The following CHRM2 variants were observed in gnomAD, a reference collection of about 807,000 sequenced individuals.
The protein encoded by CHRM2 is muscarinic acetylcholine receptor M2.
A neutral mutation model predicts 25.0 loss-of-function variants in CHRM2; 8 were observed. The observed-to-expected ratio is 0.32, with a 90% confidence interval of 0.19 to 0.58. The LOEUF (loss-of-function observed/expected upper bound fraction) is 0.58. Ranked by LOEUF, CHRM2 falls within the 20% of genes least tolerant of loss-of-function variation. CHRM2 has a pLI of 0.88. For synonymous variants in CHRM2, 202 were observed against 205.7 expected, an observed-to-expected ratio of 0.98 and a Z score of 0.15; for missense variants, 440 against 567.1, an observed-to-expected ratio of 0.78 and a Z score of 2.28.
At chr7:136,896,013 T>G (rs1796883697) in intron 2 of CHRM2, among the ~76,000 whole-genome samples, 3 of 152,190 alleles carry the variant, frequency 2.0e-5, no homozygotes, top group Admixed American at 2.0e-4. Context: ...AGTCAAGGGC[T>G]TCGGTAGTGT....
At position 137,019,180 on chromosome 7, in the gene CHRM2, AC is replaced by A. The variant is rs1805319308; in HGVS notation, c.*2917del. The A allele has an allele frequency of 6.6e-6, 1 of 151,914 alleles. No homozygotes were observed. The highest frequency in any genetic ancestry group is 2.4e-5 in the African/African-American group (1 of 41,398). 9.4% of individuals were successfully genotyped at this position (151,914 alleles called of 1,614,324 possible). ...CTTGCCTCTTATTAGTGGGAAAATA[AC>A]CCTGCATTATTTTTAGAATATCAAT... On this transcript the variant is annotated 3_prime_UTR_variant, in exon 4 of 4. Coordinates refer to ENST00000680005, the MANE Select transcript of CHRM2 (RefSeq NM_001006630.2).
intron 2 of CHRM2, among the ~76,000 whole-genome samples, chr7:136,966,031 C>A (rs1801395233): frequency 6.6e-6 from 1 of 151,814 alleles, no homozygotes; most frequent in Non-Finnish European, 1.5e-5. Context: ...GGAGACAGAA[C>A]TCTGATAATA....
In CHRM2 at chr7:136,874,578, C is replaced by A. The variant is rs1255341161; in HGVS notation, c.-125+5160C>A. ...CTCCCTCTCTCTCTGCCCCCCCTCT[C>A]TCCCCTCTTCCCTCCCAAATCCAAG... On this transcript the variant is annotated intron_variant, in intron 2 of 3. Coordinates refer to ENST00000680005, the MANE Select transcript of CHRM2 (RefSeq NM_001006630.2). 3.0e-5 allele frequency among the ~76,000 whole-genome samples: 4 copies of A among 133,450 alleles called. No individual in the cohort carries two copies. In the East Asian group the frequency reaches 1.1e-3, roughly 36 times the overall value. The allele number at this position is 133,450 out of a possible 152,430, so 87.5% of individuals were successfully genotyped here.
chr7:136,870,334 G>A (rs2130440084), intron 2 of CHRM2: 1 of 152,746 alleles, frequency 6.5e-6, no homozygotes, highest in Middle Eastern at 3.4e-3. Context: ...GACAGGTGCG[G>A]TCCATGCCTG....
At position 136,938,915 on chromosome 7, in the gene CHRM2, C is replaced by CAAAAAAAAAAA. The variant is rs56868385; in HGVS notation, c.-124-53234_-124-53224dup. 1.9e-4 allele frequency among the ~76,000 whole-genome samples: 13 copies of CAAAAAAAAAAA among 66,950 alleles called. 1 individual carries two copies. Among genetic ancestry groups the CAAAAAAAAAAA allele is most frequent in the Non-Finnish European group, 3.1e-4 (11 of 35,080 alleles). 43.9% of individuals were successfully genotyped at this position (66,950 alleles called of 152,430 possible). ...AAAATAAAACTTCAGCTAGCTCTGCCAAAAAAAAAAAAAAAAAAAAAAAAA... is the reference window on the plus strand; with the variant it reads ...AAAATAAAACTTCAGCTAGCTCTGCCAAAAAAAAAAAAAAAAAAAAAAAAAAAAAAAAAAAA... On this transcript the variant is annotated intron_variant, in intron 2 of 3. Coordinates refer to ENST00000680005, the MANE Select transcript of CHRM2 (RefSeq NM_001006630.2).
At chr7:136,872,413 G>A (rs1444850231) in intron 2 of CHRM2, among the ~76,000 whole-genome samples, 1 of 152,196 alleles carries the variant, frequency 6.6e-6, no homozygotes, top group South Asian at 2.1e-4. Flanking sequence ...TTGGGAGGCT[G>A]AGACTGTTGT....
At chr7:136,990,883 T>C (rs1327709024) in intron 2 of CHRM2, among the ~76,000 whole-genome samples, 1 of 152,134 alleles carries the variant, frequency 6.6e-6, no homozygotes, top group Non-Finnish European at 1.5e-5. Context: ...CTCCAGGATT[T>C]GGTGTTGTCA....
intron 3 of CHRM2, among the ~76,000 whole-genome samples, chr7:136,993,911 A>T (rs1057165768): frequency 6.6e-6 from 1 of 152,190 alleles, no homozygotes; most frequent in African/African-American, 2.4e-5. Context: ...GTCTTAAAAA[A>T]ATCCAGCCAA....
At chr7:136,985,016 A>G (rs1246053907) in intron 2 of CHRM2, among the ~76,000 whole-genome samples, 1 of 152,106 alleles carries the variant, frequency 6.6e-6, no homozygotes, top group Non-Finnish European at 1.5e-5. Flanking sequence ...TATTCTACAG[A>G]AAGTTTGTTT....
intron 2 of CHRM2, among the ~76,000 whole-genome samples, chr7:136,906,228 G>C (rs1024436663): frequency 1.3e-5 from 2 of 150,060 alleles, no homozygotes; most frequent in African/African-American, 4.9e-5. Flanking sequence ...TATATGGTTT[G>C]TATGTATGTA....
At chr7:136,908,404 G>A (rs958159524) in intron 2 of CHRM2, among the ~76,000 whole-genome samples, 10 of 151,900 alleles carry the variant, frequency 6.6e-5, no homozygotes, top group Non-Finnish European at 8.8e-5. Context: ...CAGGGCATAA[G>A]TAATTGTGTT....
At chr7:136,960,771 C>A (rs1801021757) in intron 2 of CHRM2, among the ~76,000 whole-genome samples, 1 of 152,118 alleles carries the variant, frequency 6.6e-6, no homozygotes, top group African/African-American at 2.4e-5. Flanking sequence ...GACATAAACT[C>A]TTTCACTTGC....
At chr7:136,908,187 A>G (rs1797658493) in intron 2 of CHRM2, among the ~76,000 whole-genome samples, 1 of 151,934 alleles carries the variant, frequency 6.6e-6, no homozygotes, top group African/African-American at 2.4e-5. Context: ...GAGCTGTATG[A>G]GATTACAGTT....
chr7:137,002,273 C>T (rs1317970170), intron 3 of CHRM2, among the ~76,000 whole-genome samples: 1 of 152,114 alleles, frequency 6.6e-6, no homozygotes, highest in Non-Finnish European at 1.5e-5. Context: ...ATGCAAGTTA[C>T]AAATTAACTT....
At chr7:137,011,215 GTATA>G (rs71176365) in intron 3 of CHRM2, among the ~76,000 whole-genome samples, 3,613 of 134,286 alleles carry the variant, frequency 0.027, 56 homozygotes, top group Middle Eastern at 0.06. Context: ...GTGTGTGTGT[GTATA>G]TATATATATA....
intron 2 of CHRM2, among the ~76,000 whole-genome samples, chr7:136,887,539 A>G (rs1796514418): frequency 6.6e-6 from 1 of 152,170 alleles, no homozygotes; most frequent in Non-Finnish European, 1.5e-5. Context: ...GTGTCTGACA[A>G]AAGTTAACTG....
chr7:137,007,746 T>G (rs1201212331), intron 3 of CHRM2, among the ~76,000 whole-genome samples: 1 of 152,128 alleles, frequency 6.6e-6, no homozygotes, highest in Non-Finnish European at 1.5e-5. Flanking sequence ...CATTCAAGAT[T>G]GGTAAGGGTC....
Position 137,017,884 on chromosome 7 carries a change from T to A in CHRM2, c.*1618T>A, listed in dbSNP as rs1805262819. 6.6e-6 allele frequency: 1 copy of A among 151,924 alleles called. No homozygotes were observed. The highest frequency in any genetic ancestry group is 1.5e-5 in the Non-Finnish European group (1 of 67,900). 9.4% of individuals were successfully genotyped at this position (151,924 alleles called of 1,614,324 possible). Reference sequence around the variant, plus strand: ...TTTTTTATTTGGTCGTCTAAATAAATATAGGATTAGGATTATACGGATTCA... The same window carrying A: ...TTTTTTATTTGGTCGTCTAAATAAAAATAGGATTAGGATTATACGGATTCA... On this transcript the variant is annotated 3_prime_UTR_variant, in exon 4 of 4. Transcript: ENST00000680005.
At position 136,869,822 on chromosome 7, in the gene CHRM2, A is replaced by C. The variant is rs564246417; in HGVS notation, c.-125+404A>C. On this transcript the variant is annotated intron_variant, in intron 2 of 3. Coordinates refer to ENST00000680005, the MANE Select transcript of CHRM2 (RefSeq NM_001006630.2). This position sits in a 1 kb window ranked among gnomAD's most constrained non-coding sequence, Gnocchi z 4.9. ...CACTCCAGATGCAGCCATGGACAAG[A>C]CAAGGAGAGCTTCGTCCCTCCCGCC... 2 of 151,634 alleles carry C rather than the reference A, an allele frequency of 1.3e-5. No homozygotes were observed. The highest frequency in any genetic ancestry group is 1.3e-4 in the Admixed American group (2 of 15,214). The allele number at this position is 151,634 out of a possible 1,614,324, so 9.4% of individuals were successfully genotyped here.
Sources: gnomAD v4.1 joint callset for allele counts (sites outside exome capture counted in the v4.1 genomes callset) on GRCh38, gnomAD v4.1.1 for gene constraint, Gnocchi (gnomAD v3.1) non-coding constraint, MANE v1.5 for transcripts, NCBI Gene and HGNC (gene_info 2026-07-23, HGNC 2026-07-21) for gene names.